Variants in ASTN2 observed in about 807,000 individuals in gnomAD.
ASTN2 encodes the protein astrotactin-2.
ASTN2 carries 54 observed loss-of-function variants against 139.8 expected under a neutral mutation model. That is an observed-to-expected ratio of 0.39 (90% CI 0.31 to 0.48). ASTN2 has a LOEUF of 0.48. Among genes scored for constraint, ASTN2 ranks in the 20% least tolerant of loss-of-function variants. The pLI, the probability that ASTN2 is intolerant of heterozygous loss-of-function variation, is 0.95. For synonymous variants in ASTN2, 756 were observed against 719.5 expected (o/e 1.05, Z -0.81); for missense variants, 1,565 against 1,725.1 (o/e 0.91, Z 1.64).
At chr9:116,882,207 C>T (rs1261144787) in intron 10 of ASTN2, among the ~76,000 whole-genome samples, 1 of 152,132 alleles carries the variant, frequency 6.6e-6, no homozygotes, top group Non-Finnish European at 1.5e-5. Context: ...ACAAGGCCAA[C>T]AGCAGTCTTG....
Position 116,698,498 on chromosome 9 carries a change from A to G in ASTN2, c.2806+27273T>C, listed in dbSNP as rs1307339518. 1 of 1,613,732 alleles carries G rather than the reference A, an allele frequency of 6.2e-7. No homozygotes were observed. Among genetic ancestry groups the G allele is most frequent in the Non-Finnish European group, 8.5e-7 (1 of 1,180,024 alleles). Reference sequence around the variant, plus strand: ...CCAAGATCAAGCAGGCAGATGTAGCACTACTGGAGGAGACAGCTGATGAGG... The same window carrying G: ...CCAAGATCAAGCAGGCAGATGTAGCGCTACTGGAGGAGACAGCTGATGAGG... On this transcript the variant is annotated intron_variant, in intron 16 of 22. Coordinates refer to ENST00000313400, the MANE Select transcript of ASTN2 (RefSeq NM_001365068.1). The surrounding 1 kb of genome is among the most constrained non-coding windows in gnomAD (Gnocchi z 4.4).
intron 4 of ASTN2, among the ~76,000 whole-genome samples, chr9:117,109,155 GC>G (rs34790842): frequency 0.14 from 21,426 of 151,788 alleles, 1,629 homozygotes; most frequent in East Asian, 0.2. Context: ...GGAGATACAT[GC>G]CTGTAATTCC....
Position 116,632,098 on chromosome 9 carries a change from G to A in ASTN2, c.3073-11655C>T, listed in dbSNP as rs553635558. Among the ~76,000 whole-genome samples the A allele has an allele frequency of 2.7e-5, 4 of 148,648 alleles. No individual in the cohort carries two copies. In the South Asian group the frequency reaches 6.9e-4, roughly 25 times the overall value. On this transcript the variant is annotated intron_variant, in intron 17 of 22. Coordinates refer to ENST00000313400, the MANE Select transcript of ASTN2 (RefSeq NM_001365068.1). ...CACTGCCCTCCACACTGGTGATAGA[G>A]TGAGACTGTGTCAAAAGAAAAAGAA...
At chr9:116,674,586 C>A (rs1035651631) in intron 16 of ASTN2, among the ~76,000 whole-genome samples, 2 of 152,208 alleles carry the variant, frequency 1.3e-5, no homozygotes, top group Admixed American at 6.5e-5. Context: ...TTGCTATCAA[C>A]TAAAGGTAAA....
chr9:116,896,832 A>T (rs1370458759), intron 10 of ASTN2, among the ~76,000 whole-genome samples: 2 of 152,136 alleles, frequency 1.3e-5, no homozygotes, highest in Non-Finnish European at 2.9e-5. Flanking sequence ...CAGCATGGGG[A>T]CACCATCCCA....
At chr9:116,833,168 C>T (rs1252235424) in intron 11 of ASTN2, among the ~76,000 whole-genome samples, 1 of 152,022 alleles carries the variant, frequency 6.6e-6, no homozygotes, top group South Asian at 2.1e-4. Context: ...TCCATTTCAT[C>T]TAATTCATCA....
intron 1 of ASTN2, among the ~76,000 whole-genome samples, chr9:117,409,219 G>A (rs994374598): frequency 1.3e-5 from 2 of 152,116 alleles, no homozygotes; most frequent in Non-Finnish European, 2.9e-5. Flanking sequence ...TGATGCTAAT[G>A]AACATTCTGT....
intron 13 of ASTN2, among the ~76,000 whole-genome samples, chr9:116,795,025 A>G (rs1189915908): frequency 3.9e-5 from 6 of 152,156 alleles, no homozygotes; most frequent in African/African-American, 1.4e-4. Context: ...TGCCCAGGCT[A>G]GAGTGCAATG....
intron 1 of ASTN2, among the ~76,000 whole-genome samples, chr9:117,331,124 T>C: frequency 6.6e-6 from 1 of 152,196 alleles, no homozygotes; most frequent in Admixed American, 6.5e-5. Flanking sequence ...TATTTGATAG[T>C]GAAGACTCTA....
intron 6 of ASTN2, among the ~76,000 whole-genome samples, chr9:117,012,344 G>A (rs886273422): frequency 1.3e-5 from 2 of 152,170 alleles, no homozygotes; most frequent in African/African-American, 4.8e-5. Flanking sequence ...AAAGTAGAGA[G>A]GCAGGTAGAG....
chr9:116,922,580 G>C (rs1315674405), intron 10 of ASTN2, among the ~76,000 whole-genome samples: 1 of 152,168 alleles, frequency 6.6e-6, no homozygotes, highest in Admixed American at 6.5e-5. Flanking sequence ...ATGTGATAAT[G>C]TAAAAGTCCA....
rs1272560436 is a variant in ASTN2, at chr9:117,054,738, G to A, written c.1277-14773C>T. Among the ~76,000 whole-genome samples, 4 of 152,164 alleles carry A rather than the reference G, an allele frequency of 2.6e-5. No individual in the cohort carries two copies. In the East Asian group the frequency reaches 7.7e-4, roughly 29 times the overall value. On this transcript the variant is annotated intron_variant, in intron 5 of 22. Coordinates refer to ENST00000313400, the MANE Select transcript of ASTN2 (RefSeq NM_001365068.1). ...GCAGAAGAAGCCAGAGAGATAGGCA[G>A]GGAACAGCTCATAAAATGTCGTAGT... is the stretch of plus-strand genomic sequence containing the variant.
At chr9:116,718,794 G>A (rs1245533194) in intron 16 of ASTN2, among the ~76,000 whole-genome samples, 1 of 151,736 alleles carries the variant, frequency 6.6e-6, no homozygotes, top group Non-Finnish European at 1.5e-5. Context: ...TATAGCATTG[G>A]CTCTCCCACT....
At chr9:117,200,817 A>G (rs891955171) in intron 3 of ASTN2, among the ~76,000 whole-genome samples, 1 of 152,098 alleles carries the variant, frequency 6.6e-6, no homozygotes, top group Non-Finnish European at 1.5e-5. Flanking sequence ...ATTGGCCTGA[A>G]GTTTTCTTTC....
intron 6 of ASTN2, among the ~76,000 whole-genome samples, chr9:117,016,022 T>G (rs1837662745): frequency 6.6e-6 from 1 of 152,190 alleles, no homozygotes. Flanking sequence ...GTATATCTGC[T>G]TATACACTGT....
rs541142326 is a variant in ASTN2 at position 116,716,178 on chromosome 9, C to T, written c.2806+9593G>A. Among the ~76,000 whole-genome samples, 11 of 152,260 alleles carry T rather than the reference C, an allele frequency of 7.2e-5. No individual in the cohort carries two copies. The South Asian group carries it at 1.5e-3, about 20-fold the overall frequency. On this transcript the variant is annotated intron_variant, in intron 16 of 22. Coordinates refer to ENST00000313400, the MANE Select transcript of ASTN2 (RefSeq NM_001365068.1). ...TGACAGGGGAATGAGTATGATTTTG[C>T]ACCTGTTTGAATCAGAGTAACTAGT...
chr9:117,091,097 C>G (rs1192723414), intron 5 of ASTN2, among the ~76,000 whole-genome samples: 1 of 152,140 alleles, frequency 6.6e-6, no homozygotes, highest in African/African-American at 2.4e-5. Context: ...AGAGGTAAGG[C>G]CCCAGCTCTG....
At chr9:117,258,490 G>A (rs1461948721) in intron 2 of ASTN2, among the ~76,000 whole-genome samples, 1 of 152,154 alleles carries the variant, frequency 6.6e-6, no homozygotes, top group Non-Finnish European at 1.5e-5. Flanking sequence ...AAAGGAGGTG[G>A]ATAAAGTATG....
intron 3 of ASTN2, among the ~76,000 whole-genome samples, chr9:117,159,084 A>C (rs1386705351): frequency 6.6e-6 from 1 of 151,956 alleles, no homozygotes; most frequent in Non-Finnish European, 1.5e-5. Context: ...TGGAATGTTA[A>C]TTTCATTTGA....
Sources: gnomAD v4.1 joint callset for allele counts (sites outside exome capture counted in the v4.1 genomes callset) on GRCh38, gnomAD v4.1.1 for gene constraint, Gnocchi (gnomAD v3.1) non-coding constraint, MANE v1.5 for transcripts, NCBI Gene and HGNC (gene_info 2026-07-23, HGNC 2026-07-21) for gene names.